The following GLIS3 variants were observed in gnomAD, a reference collection of about 807,000 sequenced individuals.
The protein encoded by GLIS3 is zinc finger protein GLIS3.
GLIS3 carries 53 observed loss-of-function variants against 78.6 expected under a neutral mutation model. The ratio of observed to expected loss-of-function variants is 0.67; its 90% CI spans 0.54 to 0.85. The LOEUF (loss-of-function observed/expected upper bound fraction) is 0.85. Among genes scored for constraint, GLIS3 ranks in the 40% least tolerant of loss-of-function variants. GLIS3 has a pLI of 0.00. For synonymous variants in GLIS3, 684 were observed against 509.9 expected, an observed-to-expected ratio of 1.34 and a Z score of -4.60; for missense variants, 1,703 against 1,231.1, an observed-to-expected ratio of 1.38 and a Z score of -5.74.
At chr9:4,410,927 T>C in the GLIS3 span, among the ~76,000 whole-genome samples, 2 of 152,220 alleles carry the variant, frequency 1.3e-5, no homozygotes, top group African/African-American at 4.8e-5. Context: ...GTGAGAAATA[T>C]AATTCTCACA....
chr9:4,177,743 GA>G (rs1287049121), intron 2 of GLIS3, among the ~76,000 whole-genome samples: 1 of 152,230 alleles, frequency 6.6e-6, no homozygotes, highest in Non-Finnish European at 1.5e-5. Context: ...TCTTCATATG[GA>G]AAGTGTTCCT....
chr9:4,275,081 C>T (rs1405103493), intron 2 of GLIS3, among the ~76,000 whole-genome samples: 3 of 152,164 alleles, frequency 2.0e-5, no homozygotes, highest in African/African-American at 7.2e-5. Context: ...AATCTATTCA[C>T]ATTCATAGTA....
At chr9:4,322,488 C>T (rs1286005681) in intron 2 of GLIS3, among the ~76,000 whole-genome samples, 1 of 152,192 alleles carries the variant, frequency 6.6e-6, no homozygotes, top group Non-Finnish European at 1.5e-5. Flanking sequence ...CTGTCTTCCA[C>T]AATGGTTCAA....
intron 1 of GLIS3, chr9:4,298,259 C>T (rs1816769751): frequency 2.9e-6 from 1 of 342,834 alleles, no homozygotes; most frequent in Non-Finnish European, 5.8e-6. Flanking sequence ...CCCCCGGTCC[C>T]CGCCGAGCCA....
Position 4,131,065 on chromosome 9 carries a change from G to C in GLIS3, c.389-5124C>G, listed in dbSNP as rs570224179. On this transcript the variant is annotated intron_variant, in intron 2 of 10. Transcript: ENST00000381971. ...CTTTAAGATTTAATGACTGCCCTAG[G>C]GGGGGTTGGGGCTTGCATAGGACCT... Among the ~76,000 whole-genome samples the C allele has an allele frequency of 3.4e-3, 520 of 152,280 alleles. 2 individuals carry two copies. The highest frequency in any genetic ancestry group is 6.8e-3 in the Middle Eastern group (2 of 294).
chr9:3,906,289 G>C (rs980101071), intron 6 of GLIS3, among the ~76,000 whole-genome samples: 1 of 152,238 alleles, frequency 6.6e-6, no homozygotes, highest in Non-Finnish European at 1.5e-5. Flanking sequence ...AAGAGGACAA[G>C]TGTGTCTGGT....
chr9:4,449,091 C>T, the GLIS3 span, among the ~76,000 whole-genome samples: 1 of 152,146 alleles, frequency 6.6e-6, no homozygotes, highest in Non-Finnish European at 1.5e-5. Flanking sequence ...CAGACGGCAC[C>T]TGGAAAATCG....
At chr9:4,406,544 C>G in the GLIS3 span, among the ~76,000 whole-genome samples, 5 of 152,048 alleles carry the variant, frequency 3.3e-5, no homozygotes, top group Non-Finnish European at 7.4e-5. Flanking sequence ...TGATCTTATA[C>G]TTGGAAAAAC....
chr9:4,223,471 T>G (rs1201312659), intron 2 of GLIS3, among the ~76,000 whole-genome samples: 1 of 152,196 alleles, frequency 6.6e-6, no homozygotes, highest in Non-Finnish European at 1.5e-5. Context: ...TCTCTAATAT[T>G]TCTCAAGCCC....
At chr9:4,470,868 CCA>C in the GLIS3 span, among the ~76,000 whole-genome samples, 5 of 151,774 alleles carry the variant, frequency 3.3e-5, no homozygotes, top group African/African-American at 1.2e-4. Flanking sequence ...TTGTCTCAGC[CCA>C]AAATCTCCTT....
At chr9:3,832,518 T>A (rs973648491) in intron 9 of GLIS3, among the ~76,000 whole-genome samples, 9 of 152,148 alleles carry the variant, frequency 5.9e-5, no homozygotes, top group Non-Finnish European at 1.2e-4. Flanking sequence ...ATTTCTTCAT[T>A]TACCCTATTG....
the GLIS3 span, among the ~76,000 whole-genome samples, chr9:4,456,153 C>T: frequency 6.6e-6 from 1 of 152,130 alleles, no homozygotes; most frequent in African/African-American, 2.4e-5. Flanking sequence ...GTCTATTGTG[C>T]ATGCGATAGC....
intron 4 of GLIS3, among the ~76,000 whole-genome samples, chr9:4,039,515 C>T (rs1824622658): frequency 1.3e-5 from 2 of 152,160 alleles, no homozygotes; most frequent in African/African-American, 2.4e-5. Context: ...TTCACAAACA[C>T]AGGACGGCAG....
At chr9:4,258,705 G>A (rs1332843614) in intron 2 of GLIS3, among the ~76,000 whole-genome samples, 1 of 152,106 alleles carries the variant, frequency 6.6e-6, no homozygotes, top group Non-Finnish European at 1.5e-5. Flanking sequence ...GGCAGAACTG[G>A]GGGTGATCTT....
Position 3,905,559 on chromosome 9 carries a change from C to G in GLIS3, c.1984-6724G>C, listed in dbSNP as rs145810504. 1.6e-3 allele frequency among the ~76,000 whole-genome samples: 250 copies of G among 152,218 alleles called. 1 individual carries two copies. Among genetic ancestry groups the G allele is most frequent in the Non-Finnish European group, 2.6e-3 (174 of 68,016 alleles). On this transcript the variant is annotated intron_variant, in intron 6 of 10. Coordinates refer to ENST00000381971, the MANE Select transcript of GLIS3 (RefSeq NM_001042413.2). Reference sequence around the variant, plus strand: ...CATCCTGGCCTAGTAACATGAATGCCTGCAATTGACAAAAATAAAGCATGG... The same window carrying G: ...CATCCTGGCCTAGTAACATGAATGCGTGCAATTGACAAAAATAAAGCATGG...
the GLIS3 span, among the ~76,000 whole-genome samples, chr9:4,416,167 G>A: frequency 1.4e-5 from 2 of 142,858 alleles, no homozygotes; most frequent in Admixed American, 7.4e-5. Context: ...CAAGAGGATC[G>A]CTTGAGCCCA....
chr9:4,236,080 T>A (rs1822706801), intron 2 of GLIS3, among the ~76,000 whole-genome samples: 1 of 148,568 alleles, frequency 6.7e-6, no homozygotes, highest in Non-Finnish European at 1.5e-5. Flanking sequence ...TGTTGACAAC[T>A]GGAGACAAAT....
At chr9:4,001,753 A>C (rs1485808405) in intron 4 of GLIS3, among the ~76,000 whole-genome samples, 2 of 152,234 alleles carry the variant, frequency 1.3e-5, no homozygotes, top group Admixed American at 1.3e-4. Context: ...TGCATTTTGC[A>C]GATACCAGCT....
At chr9:4,328,955 C>T (rs1375182247) in intron 2 of GLIS3, among the ~76,000 whole-genome samples, 1 of 152,188 alleles carries the variant, frequency 6.6e-6, no homozygotes, top group African/African-American at 2.4e-5. Context: ...CTCATAAGCT[C>T]CAGCAACCAC....
Sources: allele counts gnomAD v4.1 joint callset (sites outside exome capture counted in the v4.1 genomes callset), GRCh38; gene constraint gnomAD v4.1.1; transcripts MANE v1.5; gene names NCBI Gene and HGNC (gene_info 2026-07-23, HGNC 2026-07-21).